The following CDK6 variants were observed in gnomAD, a reference collection of about 807,000 sequenced individuals.
CDK6 encodes cyclin-dependent kinase 6.
Under a neutral mutation model 37.1 loss-of-function variants are expected in CDK6, and 6 were observed. That is an observed-to-expected ratio of 0.16 (90% CI 0.09 to 0.32). CDK6 has a LOEUF of 0.32. Ranked by LOEUF, CDK6 falls within the 10% of genes least tolerant of loss-of-function variation. The pLI, the probability that CDK6 is intolerant of heterozygous loss-of-function variation, is 1.00. For synonymous variants in CDK6, 160 were observed against 161.3 expected (o/e 0.99, Z 0.06); for missense variants, 224 against 418.9 (o/e 0.53, Z 4.06).
chr7:92,709,678 A>G (rs561344829), intron 4 of CDK6, among the ~76,000 whole-genome samples: 1 of 152,324 alleles, frequency 6.6e-6, no homozygotes, highest in Admixed American at 6.5e-5. Context: ...AATAATATTA[A>G]TGAAATTCAC....
chr7:92,771,289 CAAA>C (rs199783615), intron 3 of CDK6, among the ~76,000 whole-genome samples: 56 of 101,224 alleles, frequency 5.5e-4, no homozygotes, highest in African/African-American at 1.9e-3. Context: ...GACTCCGTCT[CAAA>C]AAAAAAAAAA....
At chr7:92,815,050 C>T (rs571084672) in intron 2 of CDK6, among the ~76,000 whole-genome samples, 48 of 152,288 alleles carry the variant, frequency 3.2e-4, no homozygotes, top group African/African-American at 1.1e-3. Flanking sequence ...AGAAGCTGGA[C>T]TACGAGTCAA....
intron 1 of CDK6, among the ~76,000 whole-genome samples, chr7:92,836,141 G>A (rs970493425): frequency 2.0e-5 from 3 of 151,900 alleles, no homozygotes; most frequent in African/African-American, 7.3e-5. Flanking sequence ...GTTCCGTTTG[G>A]AGAAACTGTA....
intron 2 of CDK6, among the ~76,000 whole-genome samples, chr7:92,776,820 G>C (rs1238355383): frequency 6.6e-6 from 1 of 152,142 alleles, no homozygotes; most frequent in Non-Finnish European, 1.5e-5. Context: ...CCCTTTGTCA[G>C]ATGGATAGAT....
At chr7:92,803,592 A>G (rs1449763172) in intron 2 of CDK6, among the ~76,000 whole-genome samples, 1 of 152,218 alleles carries the variant, frequency 6.6e-6, no homozygotes, top group African/African-American at 2.4e-5. Context: ...ATGAACATGT[A>G]AGACGGATAC....
intron 2 of CDK6, among the ~76,000 whole-genome samples, chr7:92,830,808 G>A (rs1801459198): frequency 6.6e-6 from 1 of 152,168 alleles, no homozygotes; most frequent in Non-Finnish European, 1.5e-5. Context: ...TCGTGACTGA[G>A]AGTCTTTTCT....
chr7:92,688,193 C>T (rs958226840), intron 4 of CDK6, among the ~76,000 whole-genome samples: 1 of 152,152 alleles, frequency 6.6e-6, no homozygotes, highest in Admixed American at 6.6e-5. Flanking sequence ...AGTGGTTGAA[C>T]CATTTTACAC....
intron 3 of CDK6, among the ~76,000 whole-genome samples, chr7:92,742,484 G>A (rs577387661): frequency 1.3e-5 from 2 of 152,250 alleles, no homozygotes; most frequent in South Asian, 4.1e-4. Context: ...GCTCACCAGT[G>A]CTATCTGGTG....
chr7:92,790,686 C>G (rs935450055), intron 2 of CDK6, among the ~76,000 whole-genome samples: 1 of 152,052 alleles, frequency 6.6e-6, no homozygotes, highest in Non-Finnish European at 1.5e-5. Flanking sequence ...TTATTCAAAT[C>G]CGCACACACA....
intron 2 of CDK6, among the ~76,000 whole-genome samples, chr7:92,814,788 G>A (rs1800983537): frequency 6.6e-6 from 1 of 152,038 alleles, no homozygotes; most frequent in Admixed American, 6.6e-5. Flanking sequence ...GATGGAAGAA[G>A]TCACCAAAGA....
chr7:92,629,116 A>C (rs1795995968), intron 5 of CDK6, among the ~76,000 whole-genome samples: 1 of 152,058 alleles, frequency 6.6e-6, no homozygotes. Context: ...ACAAGGAAAG[A>C]CCGTGGCAGA....
At chr7:92,732,905 G>T (rs77978042) in intron 3 of CDK6, among the ~76,000 whole-genome samples, 1 of 152,150 alleles carries the variant, frequency 6.6e-6, no homozygotes, top group South Asian at 2.1e-4. Flanking sequence ...GTGTAAACAG[G>T]GAAAGAGTCT....
At chr7:92,679,426 G>A (rs1320916801) in intron 4 of CDK6, among the ~76,000 whole-genome samples, 2 of 152,150 alleles carry the variant, frequency 1.3e-5, no homozygotes, top group African/African-American at 4.8e-5. Flanking sequence ...TACTTATGGA[G>A]TGTTCCAGTG....
At chr7:92,642,777 A>C (rs1796342022) in intron 5 of CDK6, among the ~76,000 whole-genome samples, 1 of 152,176 alleles carries the variant, frequency 6.6e-6, no homozygotes. Flanking sequence ...TTGAGCTAAG[A>C]AGTGATAGAG....
intron 3 of CDK6, among the ~76,000 whole-genome samples, chr7:92,742,520 T>C (rs2115638261): frequency 1.3e-5 from 2 of 152,302 alleles, no homozygotes; most frequent in South Asian, 4.1e-4. Flanking sequence ...TATTTGAATG[T>C]AGTTTGTTTT....
At chr7:92,680,196 G>A (rs1008073069) in intron 4 of CDK6, among the ~76,000 whole-genome samples, 11 of 150,948 alleles carry the variant, frequency 7.3e-5, no homozygotes, top group African/African-American at 2.2e-4. Context: ...ACTTTGGGAG[G>A]CTGAGGAGGG....
At chr7:92,765,177 T>C (rs1278475402) in intron 3 of CDK6, among the ~76,000 whole-genome samples, 1 of 152,200 alleles carries the variant, frequency 6.6e-6, no homozygotes, top group African/African-American at 2.4e-5. Flanking sequence ...AATTATTTTT[T>C]AGATATATAC....
rs890315942 is a variant in CDK6, at chr7:92,605,688, GCTTT to G, written c.*9448_*9451del. On this transcript the variant is annotated 3_prime_UTR_variant, in exon 8 of 8. Coordinates refer to ENST00000424848, the MANE Select transcript of CDK6 (RefSeq NM_001145306.2). ...TTTCTTCTTCTTTTGCTTCAAGAGGGCTTTCTGTGTGTAATGGAGGGATGGTTGC... is the reference window on the plus strand; with the variant it reads ...TTTCTTCTTCTTTTGCTTCAAGAGGGCTGTGTGTAATGGAGGGATGGTTGC... 8.6e-6 allele frequency: 2 copies of G among 233,226 alleles called. No homozygotes were observed. Among genetic ancestry groups the G allele is most frequent in the African/African-American group, 4.4e-5 (2 of 45,454 alleles). 14.4% of individuals were successfully genotyped at this position (233,226 alleles called of 1,614,324 possible). A position where few individuals can be genotyped will look rare whatever the true frequency, so the allele number is the denominator to read the frequency against.
chr7:92,753,663 G>A (rs928402678), intron 3 of CDK6, among the ~76,000 whole-genome samples: 2 of 151,566 alleles, frequency 1.3e-5, no homozygotes, highest in Non-Finnish European at 2.9e-5. Context: ...CAGCTAGTAA[G>A]AAGACTACCT....
Sources: gnomAD v4.1 joint callset for allele counts (sites outside exome capture counted in the v4.1 genomes callset) on GRCh38, gnomAD v4.1.1 for gene constraint, MANE v1.5 for transcripts, NCBI Gene and HGNC (gene_info 2026-07-23, HGNC 2026-07-21) for gene names.